The following MROH1 variants were observed in gnomAD, a reference collection of about 807,000 sequenced individuals.
MROH1 encodes the protein maestro heat like repeat family member 1.
A neutral mutation model predicts 116.5 loss-of-function variants in MROH1; 117 were observed. That is an observed-to-expected ratio of 1.00 (90% CI 0.86 to 1.17). The LOEUF is 1.17. MROH1 is among the 50% of genes most tolerant of loss of function. MROH1 has a pLI of 0.00. For synonymous variants in MROH1, 921 were observed against 583.9 expected (o/e 1.58, Z -8.32); for missense variants, 1,873 against 1,338.5 (o/e 1.40, Z -6.23).
chr8:144,257,247 G>A (rs1844046036), intron 35 of MROH1, among the ~76,000 whole-genome samples: 1 of 152,196 alleles, frequency 6.6e-6, no homozygotes, highest in Non-Finnish European at 1.5e-5. Context: ...TTCCAGAGCT[G>A]CCTTCTCGTA....
At chr8:144,173,097 A>C (rs1007816551) in intron 4 of MROH1, among the ~76,000 whole-genome samples, 1 of 139,880 alleles carries the variant, frequency 7.1e-6, no homozygotes, top group Non-Finnish European at 1.5e-5. Flanking sequence ...AAGTTATGGT[A>C]CTTTTTTTTT....
intron 35 of MROH1, 88 bp downstream of exon 35, chr8:144,255,793 T>G (rs1588526293): frequency 1.5e-6 from 1 of 674,772 alleles, no homozygotes; most frequent in Non-Finnish European, 2.8e-6. Flanking sequence ...GGACGGCAGA[T>G]CTGAACCACG....
chr8:144,220,949 A>C (rs1209348759), intron 13 of MROH1, among the ~76,000 whole-genome samples: 1 of 152,206 alleles, frequency 6.6e-6, no homozygotes, highest in Non-Finnish European at 1.5e-5. Context: ...GTTCTCTAGA[A>C]GGACCTGGAA....
At chr8:144,211,510 G>T (rs148395505) in intron 12 of MROH1, among the ~76,000 whole-genome samples, 13 of 152,112 alleles carry the variant, frequency 8.5e-5, no homozygotes, top group African/African-American at 2.9e-4. Context: ...TGGATCACGA[G>T]GTCAGGAGTT....
rs923844686 is a variant in MROH1, at chr8:144,257,506, T to C, written c.3792-1271T>C. Among the ~76,000 whole-genome samples the C allele has an allele frequency of 3.9e-4, 60 of 152,168 alleles. 1 individual carries two copies. The highest frequency in any genetic ancestry group is 1.2e-3 in the South Asian group (6 of 4,832). On this transcript the variant is annotated intron_variant, in intron 35 of 43. Transcript: ENST00000326134. ...TCATTCCTGCCGGCATCACCAGCCC[T>C]GTGTACCCAACCGTCCAGAAGCCTC...
intron 7 of MROH1, among the ~76,000 whole-genome samples, chr8:144,187,602 CTG>C (rs893928986): frequency 1.3e-5 from 2 of 152,182 alleles, no homozygotes; most frequent in Non-Finnish European, 2.9e-5. Flanking sequence ...ATCTGCATTC[CTG>C]TGTACTAGAC....
chr8:144,260,514 G>A lies in MROH1; in HGVS notation c.4380+140G>A, dbSNP rs948734626. ...GTGGAGAGCGCGGACCTGCAGGGCT[G>A]CTGCTTTGCTGGGCCTGGCAGCCCC... On this transcript the variant is annotated intron_variant, in intron 39 of 43. Transcript: ENST00000326134. 21 of 718,534 alleles carry A rather than the reference G, an allele frequency of 2.9e-5. No individual in the cohort carries two copies. In the South Asian group the frequency reaches 3.0e-4, roughly 10 times the overall value. The allele number at this position is 718,534 out of a possible 1,614,324, so 44.5% of individuals were successfully genotyped here. A position where few individuals can be genotyped will look rare whatever the true frequency, so the allele number is the denominator to read the frequency against.
rs1319279957 is a variant in MROH1 at position 144,204,766 on chromosome 8, T to C, written c.1141+4225T>C. 3.3e-5 allele frequency among the ~76,000 whole-genome samples: 5 copies of C among 152,356 alleles called. No individual in the cohort carries two copies. The South Asian group carries it at 8.3e-4, about 25-fold the overall frequency. ...TCCCGTGAAGGATTCCAGTGAATTA[T>C]CTACTACAGTGATTCATTTTGCCTG... On this transcript the variant is annotated intron_variant, in intron 12 of 43. Transcript: ENST00000326134.
rs897869566 is a variant in MROH1 at position 144,261,919 on chromosome 8, T to G, written c.*179T>G. ...GAGGGATGTGCCCAATAAACTCATC[T>G]GCTCCCAGCGAGTGACTGACAGGGT... On this transcript the variant is annotated 3_prime_UTR_variant, in exon 44 of 44. Transcript: ENST00000326134. 84 of 655,192 alleles carry G rather than the reference T, an allele frequency of 1.3e-4. No individual in the cohort carries two copies. The highest frequency in any genetic ancestry group is 2.1e-4 in the Non-Finnish European group (76 of 364,224). 40.6% of individuals were successfully genotyped at this position (655,192 alleles called of 1,614,324 possible). A position where few individuals can be genotyped will look rare whatever the true frequency, so the allele number is the denominator to read the frequency against.
intron 14 of MROH1, among the ~76,000 whole-genome samples, chr8:144,225,910 G>GTT (rs764956904): frequency 0.43 from 37,481 of 87,334 alleles, 8,414 homozygotes; most frequent in South Asian, 0.46. Context: ...TTCATTTTTA[G>GTT]TTTTTTTTTT....
intron 4 of MROH1, among the ~76,000 whole-genome samples, chr8:144,174,631 A>G (rs563132964): frequency 6.6e-6 from 1 of 152,026 alleles, no homozygotes; most frequent in African/African-American, 2.4e-5. Context: ...CCACAGGCGC[A>G]CCACCACACC....
intron 12 of MROH1, among the ~76,000 whole-genome samples, chr8:144,202,985 C>CG (rs1175889358): frequency 4.1e-4 from 1 of 2,444 alleles, no homozygotes; most frequent in Non-Finnish European, 6.9e-4. Context: ...TGTGGAGGGG[C>CG]GGGGGGGGGG....
chr8:144,224,080 C>T (rs1837335515), intron 14 of MROH1, among the ~76,000 whole-genome samples: 1 of 152,214 alleles, frequency 6.6e-6, no homozygotes, highest in Non-Finnish European at 1.5e-5. Flanking sequence ...GTCTCCATGG[C>T]AGCTCCACGG....
At chr8:144,162,354 T>G (rs1564366461) in intron 2 of MROH1, among the ~76,000 whole-genome samples, 1 of 151,944 alleles carries the variant, frequency 6.6e-6, no homozygotes, top group Admixed American at 6.6e-5. Context: ...CCCAAAGTGC[T>G]GGGATTACAG....
intron 1 of MROH1, among the ~76,000 whole-genome samples, chr8:144,153,214 G>A (rs1340940445): frequency 6.9e-6 from 1 of 144,260 alleles, no homozygotes; most frequent in Non-Finnish European, 1.5e-5. Flanking sequence ...TTTTTTTTTT[G>A]AGATGGAGTT....
intron 32 of MROH1, among the ~76,000 whole-genome samples, chr8:144,249,581 C>G (rs1842495918): frequency 6.6e-6 from 1 of 152,194 alleles, no homozygotes; most frequent in Non-Finnish European, 1.5e-5. Flanking sequence ...GAGGCTCATG[C>G]TATGCTGCTG....
At chr8:144,188,005 G>C (rs1827624545) in intron 7 of MROH1, among the ~76,000 whole-genome samples, 1 of 152,216 alleles carries the variant, frequency 6.6e-6, no homozygotes, top group Non-Finnish European at 1.5e-5. Flanking sequence ...GGCGAGAAAA[G>C]GGTGTGAAAC....
intron 12 of MROH1, among the ~76,000 whole-genome samples, chr8:144,217,600 G>GT (rs1300725994): frequency 1.3e-5 from 2 of 152,074 alleles, no homozygotes; most frequent in Non-Finnish European, 2.9e-5. Context: ...GGTTGTTGTT[G>GT]TTTTTTCTTT....
At chr8:144,237,583 G>A (rs2132814409) in intron 14 of MROH1, among the ~76,000 whole-genome samples, 1 of 152,324 alleles carries the variant, frequency 6.6e-6, no homozygotes, top group African/African-American at 2.4e-5. Context: ...ACATCTTTTA[G>A]CTTTTTCTTC....
Sources: gnomAD v4.1 joint callset for allele counts (sites outside exome capture counted in the v4.1 genomes callset) on GRCh38, gnomAD v4.1.1 for gene constraint, MANE v1.5 for transcripts, NCBI Gene and HGNC (gene_info 2026-07-23, HGNC 2026-07-21) for gene names.